Variants in ZBTB8A observed in about 807,000 individuals in gnomAD.
ZBTB8A encodes the protein zinc finger and BTB domain-containing protein 8A.
In ZBTB8A, 19 loss-of-function variants were observed where a neutral mutation model predicts 37.8. The ratio of observed to expected loss-of-function variants is 0.50; its 90% confidence interval spans 0.35 to 0.74. The LOEUF is 0.74. Among genes scored for constraint, ZBTB8A ranks in the 30% least tolerant of loss-of-function variants. The pLI is 0.01. For missense variants in ZBTB8A, 394 were observed against 537.8 expected (o/e 0.73, Z 2.65); for synonymous variants, 181 against 185.2 (o/e 0.98, Z 0.19).
intron 1 of ZBTB8A, among the ~76,000 whole-genome samples, chr1:32,551,606 G>T (rs1337335679): frequency 6.6e-6 from 1 of 152,134 alleles, no homozygotes. Context: ...CCGCTACTCG[G>T]CAGGCTGAGG....
intron 1 of ZBTB8A, among the ~76,000 whole-genome samples, chr1:32,542,034 G>A (rs1644060408): frequency 6.6e-6 from 1 of 152,104 alleles, no homozygotes; most frequent in Non-Finnish European, 1.5e-5. Context: ...ACTTAAAATA[G>A]GTTTATTGGA....
intron 2 of ZBTB8A, among the ~76,000 whole-genome samples, chr1:32,585,832 G>A (rs866272705): frequency 7.3e-5 from 11 of 151,622 alleles, no homozygotes; most frequent in Admixed American, 2.0e-4. Flanking sequence ...GTGAAACCCC[G>A]TCTCTGCTAA....
intron 2 of ZBTB8A, among the ~76,000 whole-genome samples, chr1:32,572,575 T>C (rs536967930): frequency 1.3e-5 from 2 of 152,176 alleles, no homozygotes; most frequent in South Asian, 2.1e-4. Flanking sequence ...TTTGTATTTT[T>C]AGTAGAGATG....
At position 32,599,494 on chromosome 1, in the gene ZBTB8A, A is replaced by G. The variant is rs868436029; in HGVS notation, c.994-593A>G. ...AGCACTTTGGGCGGCCGAGGCAGAC[A>G]GATGACGAGGTCAGGAGTTTGAGAC... is the stretch of plus-strand genomic sequence containing the variant. On this transcript the variant is annotated intron_variant, in intron 4 of 4. Coordinates refer to ENST00000373510, the MANE Select transcript of ZBTB8A (RefSeq NM_001040441.3). Among the ~76,000 whole-genome samples the G allele has an allele frequency of 2.4e-4, 37 of 152,150 alleles. 1 individual carries two copies. Among genetic ancestry groups the G allele is most frequent in the South Asian group, 2.1e-4 (1 of 4,832 alleles).
intron 2 of ZBTB8A, among the ~76,000 whole-genome samples, chr1:32,559,302 G>A (rs1644226089): frequency 6.6e-6 from 1 of 152,146 alleles, no homozygotes; most frequent in South Asian, 2.1e-4. Flanking sequence ...AGTAGAGATG[G>A]GATTTCACCA....
intron 2 of ZBTB8A, among the ~76,000 whole-genome samples, chr1:32,556,304 G>A (rs533051260): frequency 2.6e-5 from 4 of 152,000 alleles, no homozygotes; most frequent in African/African-American, 9.7e-5. Flanking sequence ...TCCTGACCTC[G>A]TGATCCACTC....
chr1:32,577,481 C>T (rs1295225538), intron 2 of ZBTB8A, among the ~76,000 whole-genome samples: 1 of 149,892 alleles, frequency 6.7e-6, no homozygotes, highest in African/African-American at 2.5e-5. Flanking sequence ...AACTTTAGTT[C>T]AGATAATTTC....
rs145778212 is a variant in ZBTB8A, at chr1:32,543,565, C to T, written c.-84+3993C>T. ...CTCCTATTCCCATGTCTCCCTAGCT[C>T]CTGATAACCCCTCATCTACTTCCTA... On this transcript the variant is annotated intron_variant, in intron 1 of 4. Transcript: ENST00000373510. Among the ~76,000 whole-genome samples, 1,132 of 152,294 alleles carry T rather than the reference C, an allele frequency of 7.4e-3. 12 individuals are homozygous for T. The highest frequency in any genetic ancestry group is 0.025 in the African/African-American group (1,058 of 41,552).
At chr1:32,563,392 C>T (rs1644257283) in intron 2 of ZBTB8A, among the ~76,000 whole-genome samples, 1 of 152,168 alleles carries the variant, frequency 6.6e-6, no homozygotes, top group African/African-American at 2.4e-5. Flanking sequence ...GTTGTAAGAC[C>T]TGATTCCCCA....
intron 1 of ZBTB8A, among the ~76,000 whole-genome samples, chr1:32,542,799 A>G (rs1302630845): frequency 6.6e-6 from 1 of 152,206 alleles, no homozygotes; most frequent in East Asian, 1.9e-4. Context: ...CTATTATAAT[A>G]TTTAACTCTT....
chr1:32,579,788 T>G (rs1310327680), intron 2 of ZBTB8A, among the ~76,000 whole-genome samples: 4 of 152,182 alleles, frequency 2.6e-5, no homozygotes, highest in Non-Finnish European at 5.9e-5. Context: ...TTTTCATGTA[T>G]TTTGTTCAGT....
At position 32,595,163 on chromosome 1, in the gene ZBTB8A, A is replaced by AT; in HGVS notation, c.934dup (p.Cys312LeufsTer9). 6.2e-7 allele frequency: 1 copy of AT among 1,614,242 alleles called. No homozygotes were observed. The highest frequency in any genetic ancestry group is 8.5e-7 in the Non-Finnish European group (1 of 1,180,050). On this transcript the variant is annotated frameshift_variant, in exon 4 of 5. Coordinates refer to ENST00000373510, the MANE Select transcript of ZBTB8A (RefSeq NM_001040441.3). LOFTEE classifies it high-confidence loss of function. ...GTCATACAGGAGAAAGGCCCTATCC[A>AT]TGTCAAGCTTGTGGAAAAAGATTTA...
At chr1:32,589,768 T>A (rs1411129689) in intron 2 of ZBTB8A, among the ~76,000 whole-genome samples, 1 of 151,872 alleles carries the variant, frequency 6.6e-6, no homozygotes, top group African/African-American at 2.4e-5. Context: ...GCCAGGCTGG[T>A]CTCAAACTCC....
chr1:32,552,710 C>T (rs1214124575), intron 1 of ZBTB8A, among the ~76,000 whole-genome samples: 2 of 151,298 alleles, frequency 1.3e-5, no homozygotes, highest in African/African-American at 4.9e-5. Context: ...TTTTGATTTG[C>T]CATAATATAT....
At chr1:32,582,041 A>G (rs1023330455) in intron 2 of ZBTB8A, among the ~76,000 whole-genome samples, 1 of 152,172 alleles carries the variant, frequency 6.6e-6, no homozygotes, top group African/African-American at 2.4e-5. Context: ...AGCATTATTT[A>G]TCATATCAAA....
chr1:32,555,379 A>G (rs1016015603), intron 2 of ZBTB8A, among the ~76,000 whole-genome samples: 1 of 151,908 alleles, frequency 6.6e-6, no homozygotes, highest in Non-Finnish European at 1.5e-5. Flanking sequence ...ACAGAGCGAC[A>G]CTCTGTCTCA....
intron 2 of ZBTB8A, among the ~76,000 whole-genome samples, chr1:32,577,397 G>A (rs1386707804): frequency 1.3e-5 from 2 of 150,498 alleles, no homozygotes; most frequent in African/African-American, 4.9e-5. Context: ...CAATCCACCC[G>A]CCTCAGCCTT....
At chr1:32,563,831 C>G (rs1389679081) in intron 2 of ZBTB8A, among the ~76,000 whole-genome samples, 1 of 152,148 alleles carries the variant, frequency 6.6e-6, no homozygotes, top group Non-Finnish European at 1.5e-5. Flanking sequence ...TCACCTTACT[C>G]TCAAGCCAGA....
intron 2 of ZBTB8A, among the ~76,000 whole-genome samples, chr1:32,561,344 T>A (rs1270065685): frequency 6.6e-6 from 1 of 152,164 alleles, no homozygotes; most frequent in Non-Finnish European, 1.5e-5. Flanking sequence ...GCAACGTACG[T>A]TGATTCTTCT....
Sources: gnomAD v4.1 joint callset for allele counts (sites outside exome capture counted in the v4.1 genomes callset) on GRCh38, gnomAD v4.1.1 for gene constraint, MANE v1.5 for transcripts, NCBI Gene and HGNC (gene_info 2026-07-23, HGNC 2026-07-21) for gene names.